BZW2: variants seen among roughly 807,000 people sequenced by gnomAD.
The protein encoded by BZW2 is basic leucine zipper and W2 domains 2, also known as eIF5-mimic protein 1.
Under a neutral mutation model 53.2 loss-of-function variants are expected in BZW2, and 23 were observed. The ratio of observed to expected loss-of-function variants is 0.43; its 90% CI spans 0.31 to 0.61. The LOEUF (loss-of-function observed/expected upper bound fraction) is 0.61, where lower values mean the gene tolerates loss of function less well. Among genes scored for constraint, BZW2 ranks in the 20% least tolerant of loss-of-function variants. The probability of loss-of-function intolerance (pLI) is 0.09; values close to 1 mark genes in which losing one functional copy is unlikely to be tolerated. For synonymous variants in BZW2, 227 were observed against 186.4 expected (o/e 1.22, Z -1.77); for missense variants, 409 against 503.1 (o/e 0.81, Z 1.79).
rs370058604 is a variant in BZW2, at chr7:16,665,915, TGAA to T, written c.58+419_58+421del. Among the ~76,000 whole-genome samples the T allele has an allele frequency of 3.8e-3, 576 of 152,252 alleles. 5 individuals carry two copies. Among genetic ancestry groups the T allele is most frequent in the African/African-American group, 0.013 (541 of 41,558 alleles). On this transcript the variant is annotated intron_variant, in intron 2 of 11. Coordinates refer to ENST00000258761, the MANE Select transcript of BZW2 (RefSeq NM_014038.3). ...GAAGAGTTTTTTAATTTTTCAGAAA[TGAA>T]GAAGTCAAAATAAATCTACTGCCCT...
intron 7 of BZW2, among the ~76,000 whole-genome samples, chr7:16,691,837 C>G (rs1028862672): frequency 6.6e-6 from 1 of 151,880 alleles, no homozygotes; most frequent in Non-Finnish European, 1.5e-5. Flanking sequence ...AATTCATTTT[C>G]TTTTTGGAAA....
chr7:16,646,578 C>T (rs1262930940), intron 1 of BZW2, among the ~76,000 whole-genome samples: 3 of 152,124 alleles, frequency 2.0e-5, no homozygotes, highest in African/African-American at 7.2e-5. Flanking sequence ...TGGGAAGTGG[C>T]GGGTGCACAT....
At chr7:16,683,120 T>C (rs956136189) in intron 5 of BZW2, among the ~76,000 whole-genome samples, 1 of 152,104 alleles carries the variant, frequency 6.6e-6, no homozygotes, top group African/African-American at 2.4e-5. Flanking sequence ...TGCTTGAACC[T>C]GGGCAGCAGA....
intron 2 of BZW2, among the ~76,000 whole-genome samples, chr7:16,669,529 A>G (rs1033235819): frequency 6.6e-6 from 1 of 152,220 alleles, no homozygotes; most frequent in African/African-American, 2.4e-5. Flanking sequence ...AAATATGAGT[A>G]TGTGTATATA....
intron 10 of BZW2, 75 bp from the exon 11 acceptor site, chr7:16,704,472 A>C (rs1432290080): frequency 2.9e-6 from 4 of 1,364,500 alleles, no homozygotes; most frequent in African/African-American, 2.9e-5. Context: ...CTTTCTATTA[A>C]ACTGTAATAC....
At chr7:16,668,148 A>G (rs908950528) in intron 2 of BZW2, among the ~76,000 whole-genome samples, 3 of 152,236 alleles carry the variant, frequency 2.0e-5, no homozygotes, top group Non-Finnish European at 4.4e-5. Context: ...TGTTAATCTC[A>G]GAGCTGGATC....
chr7:16,684,292 A>G (rs1192267056), intron 5 of BZW2, among the ~76,000 whole-genome samples: 1 of 152,194 alleles, frequency 6.6e-6, no homozygotes, highest in Non-Finnish European at 1.5e-5. Context: ...CTTTTCTGTA[A>G]TTGGAGATGG....
At chr7:16,681,127 G>T (rs970601512) in intron 3 of BZW2, among the ~76,000 whole-genome samples, 174 bp from the exon 4 acceptor site, 3 of 151,996 alleles carry the variant, frequency 2.0e-5, no homozygotes, top group Non-Finnish European at 4.4e-5. Flanking sequence ...AGGAAAAAAT[G>T]TACAGCAACG....
chr7:16,700,721 C>G (rs1783639354), intron 10 of BZW2: 1 of 152,162 alleles, frequency 6.6e-6, no homozygotes, highest in Non-Finnish European at 1.5e-5. Flanking sequence ...CAAGATTATA[C>G]TTACCTTTGA....
At chr7:16,701,500 A>G (rs1783666004) in intron 10 of BZW2, among the ~76,000 whole-genome samples, 1 of 152,124 alleles carries the variant, frequency 6.6e-6, no homozygotes, top group Non-Finnish European at 1.5e-5. Context: ...AGGGTAAATT[A>G]TTTTTGACTT....
At chr7:16,671,231 A>G (rs1257296749) in intron 2 of BZW2, among the ~76,000 whole-genome samples, 3 of 152,034 alleles carry the variant, frequency 2.0e-5, no homozygotes. Context: ...CTTTCATTGT[A>G]TCATATAGTT....
In BZW2 at chr7:16,681,348, A is replaced by C; in HGVS notation, c.283A>C (p.Asn95His). 1 of 1,614,106 alleles carries C rather than the reference A, an allele frequency of 6.2e-7. No homozygotes were observed. The highest frequency in any genetic ancestry group is 1.1e-5 in the South Asian group (1 of 91,084). ...TGATGGTGACAAGACCAAGATGACC[A>C]ACCACTGTGTGTTTTCAGCAAATGA... ...IDDGDKTKMT[N>H]HCVFSANEDH... Residue 95 changes from asparagine (N) to histidine (H), a missense_variant, in exon 4 of 12, where the codon AAC becomes CAC. By Grantham distance (68) the Asn-to-His change is moderately conservative. Around this residue, in one of 3 missense-constraint regions of BZW2, gnomAD observed 316 missense variants for 366.8 expected, o/e 0.86. Coordinates refer to ENST00000258761, the MANE Select transcript of BZW2 (RefSeq NM_014038.3).
intron 1 of BZW2, among the ~76,000 whole-genome samples, chr7:16,652,985 T>C (rs953036704): frequency 3.2e-4 from 48 of 152,228 alleles, no homozygotes; most frequent in Admixed American, 1.2e-3. Flanking sequence ...GGCATTTCTA[T>C]CCAGTTCATG....
At chr7:16,686,641 T>G in intron 6 of BZW2, 1 of 152,416 alleles carries the variant, frequency 6.6e-6, no homozygotes, top group Admixed American at 6.5e-5. Flanking sequence ...GATAGTCAAA[T>G]TACAATGCAA....
intron 8 of BZW2, among the ~76,000 whole-genome samples, chr7:16,696,485 G>A (rs943706419): frequency 6.6e-6 from 1 of 152,188 alleles, no homozygotes; most frequent in Non-Finnish European, 1.5e-5. Context: ...AAATTGTGGA[G>A]AATGGACCTG....
intron 1 of BZW2, among the ~76,000 whole-genome samples, chr7:16,658,495 C>T (rs1237418497): frequency 6.6e-6 from 1 of 152,084 alleles, no homozygotes; most frequent in Non-Finnish European, 1.5e-5. Context: ...AAAACTTTCT[C>T]ATGGTGCCTT....
At chr7:16,673,197 C>T (rs370617629) in intron 2 of BZW2, among the ~76,000 whole-genome samples, 4 of 152,120 alleles carry the variant, frequency 2.6e-5, no homozygotes, top group East Asian at 1.9e-4. Context: ...CCGCCCGCCT[C>T]GGCCTCCCAA....
chr7:16,705,263 G>A (rs1443937631), intron 11 of BZW2, among the ~76,000 whole-genome samples: 3 of 152,068 alleles, frequency 2.0e-5, no homozygotes, highest in Non-Finnish European at 4.4e-5. Context: ...GGAGGGTGAG[G>A]CAGGAGAACC....
Position 16,696,854 on chromosome 7 carries a change from C to A in BZW2, c.823-61C>A, listed in dbSNP as rs7796792. 4.5e-6 allele frequency: 7 copies of A among 1,567,990 alleles called. No homozygotes were observed. The South Asian group carries it at 4.6e-5, about 10-fold the overall frequency. On this transcript the variant is annotated intron_variant, in intron 8 of 11. Transcript: ENST00000258761. ...AAACCTTGATTGACTGGGCAGCTAGCGGGGAGATGGGAGCCCTCCATCTGC... is the reference window on the plus strand; with the variant it reads ...AAACCTTGATTGACTGGGCAGCTAGAGGGGAGATGGGAGCCCTCCATCTGC...
Sources: allele counts gnomAD v4.1 joint callset (sites outside exome capture counted in the v4.1 genomes callset), GRCh38; gene constraint gnomAD v4.1.1; regional missense constraint gnomAD v4.1.1; transcripts MANE v1.5; gene names NCBI Gene and HGNC (gene_info 2026-07-23, HGNC 2026-07-21).